The following CTNND2 variants were observed in gnomAD, a reference collection of about 807,000 sequenced individuals.
The protein encoded by CTNND2 is catenin delta-2.
CTNND2 carries 22 observed loss-of-function variants against 144.4 expected under a neutral mutation model. That is an observed-to-expected ratio of 0.15 (90% CI 0.11 to 0.22). The LOEUF is 0.22. Ranked by LOEUF, CTNND2 falls within the 10% of genes least tolerant of loss-of-function variation. The pLI is 1.00. For synonymous variants in CTNND2, 751 were observed against 695.6 expected (o/e 1.08, Z -1.25); for missense variants, 1,353 against 1,618.8 (o/e 0.84, Z 2.82).
chr5:11,178,086 T>G (rs2149795177), intron 11 of CTNND2, among the ~76,000 whole-genome samples: 1 of 152,334 alleles, frequency 6.6e-6, no homozygotes, highest in East Asian at 1.9e-4. Context: ...GGTTTTATAT[T>G]GTTTAGGATA....
At chr5:10,993,712 T>C in intron 18 of CTNND2, among the ~76,000 whole-genome samples, 1 of 151,888 alleles carries the variant, frequency 6.6e-6, no homozygotes, top group South Asian at 2.1e-4. Flanking sequence ...AGCTGGGTAA[T>C]ATCTTTTAAA....
intron 9 of CTNND2, among the ~76,000 whole-genome samples, chr5:11,343,173 A>G (rs970711566): frequency 2.6e-5 from 4 of 152,128 alleles, no homozygotes; most frequent in African/African-American, 9.7e-5. Context: ...GAAAATCCCA[A>G]CCCCTCAGAA....
chr5:11,649,241 TTGTC>T (rs1230917742), intron 2 of CTNND2, among the ~76,000 whole-genome samples: 1 of 152,228 alleles, frequency 6.6e-6, no homozygotes, highest in Non-Finnish European at 1.5e-5. Flanking sequence ...GTAACCCAGG[TTGTC>T]TAAGTCCAAA....
intron 3 of CTNND2, among the ~76,000 whole-genome samples, chr5:11,450,999 A>G (rs1010308905): frequency 6.6e-6 from 1 of 151,794 alleles, no homozygotes; most frequent in Admixed American, 6.6e-5. Context: ...TCATTTATCA[A>G]TTATAGAGTG....
At chr5:11,353,816 A>C (rs1755592032) in intron 8 of CTNND2, among the ~76,000 whole-genome samples, 1 of 152,156 alleles carries the variant, frequency 6.6e-6, no homozygotes, top group African/African-American at 2.4e-5. Context: ...AAAAAAAAAA[A>C]ACATTGTATT....
intron 12 of CTNND2, among the ~76,000 whole-genome samples, chr5:11,135,953 T>C (rs992820810): frequency 6.6e-6 from 1 of 152,250 alleles, no homozygotes; most frequent in African/African-American, 2.4e-5. Flanking sequence ...CATCTGAATA[T>C]CTGTGTCCCT....
chr5:11,490,594 TAAAA>T (rs1283325569), intron 3 of CTNND2, among the ~76,000 whole-genome samples: 1 of 152,042 alleles, frequency 6.6e-6, no homozygotes, highest in Non-Finnish European at 1.5e-5. Context: ...CCTTAAGAAA[TAAAA>T]AGAACATGCA....
chr5:11,470,523 C>T (rs1026409964), intron 3 of CTNND2, among the ~76,000 whole-genome samples: 20 of 152,288 alleles, frequency 1.3e-4, no homozygotes, highest in African/African-American at 2.4e-4. Context: ...TATATTAATA[C>T]GGCTCATTTG....
intron 5 of CTNND2, among the ~76,000 whole-genome samples, chr5:11,398,927 A>G (rs1322625410): frequency 2.6e-5 from 4 of 152,222 alleles, no homozygotes; most frequent in Non-Finnish European, 2.9e-5. Context: ...TCTGAGGTCC[A>G]AGTGACAGGC....
intron 3 of CTNND2, among the ~76,000 whole-genome samples, chr5:11,497,086 A>G (rs1025297379): frequency 6.6e-6 from 1 of 152,148 alleles, no homozygotes; most frequent in African/African-American, 2.4e-5. Flanking sequence ...AGGAAGAATG[A>G]AGGTCTGACC....
At chr5:11,187,384 G>A (rs1388724256) in intron 11 of CTNND2, among the ~76,000 whole-genome samples, 2 of 152,150 alleles carry the variant, frequency 1.3e-5, no homozygotes. Context: ...ATGGTGCTGG[G>A]AGAACTGGCT....
rs553644093 is a variant in CTNND2 at position 11,555,273 on chromosome 5, A to G, written c.287+9671T>C. On this transcript the variant is annotated intron_variant, in intron 3 of 21. Transcript: ENST00000304623. ...CAGACACCTAGTTCTAGCAGTTGAC[A>G]AGGCTCAGCAAAGCCTTAGTATGGG... is the stretch of plus-strand genomic sequence containing the variant. 4.6e-5 allele frequency among the ~76,000 whole-genome samples: 7 copies of G among 152,322 alleles called. No homozygotes were observed. In the South Asian group the frequency reaches 1.4e-3, roughly 32 times the overall value.
At chr5:11,450,482 T>A (rs1426170585) in intron 3 of CTNND2, among the ~76,000 whole-genome samples, 1 of 152,212 alleles carries the variant, frequency 6.6e-6, no homozygotes, top group Non-Finnish European at 1.5e-5. Context: ...ACAGGGGAAG[T>A]GAGGCCAGCA....
At chr5:11,462,164 G>T (rs1488107373) in intron 3 of CTNND2, among the ~76,000 whole-genome samples, 1 of 152,068 alleles carries the variant, frequency 6.6e-6, no homozygotes, top group Admixed American at 6.5e-5. Context: ...ACTTCTGTGG[G>T]TTTTGCCCCA....
At chr5:11,291,418 C>A (rs1748340189) in intron 9 of CTNND2, among the ~76,000 whole-genome samples, 1 of 152,066 alleles carries the variant, frequency 6.6e-6, no homozygotes, top group South Asian at 2.1e-4. Flanking sequence ...TGATCCTGTT[C>A]CTTCAGTTCA....
At chr5:11,515,631 T>C (rs1259927636) in intron 3 of CTNND2, among the ~76,000 whole-genome samples, 1 of 152,218 alleles carries the variant, frequency 6.6e-6, no homozygotes, top group African/African-American at 2.4e-5. Context: ...TACATGATTT[T>C]TGCAACACTA....
intron 9 of CTNND2, among the ~76,000 whole-genome samples, chr5:11,262,236 C>T (rs1274481762): frequency 1.3e-5 from 2 of 152,090 alleles, no homozygotes; most frequent in African/African-American, 4.8e-5. Context: ...ACTGACCCAC[C>T]AAAAGGGCCC....
intron 1 of CTNND2, among the ~76,000 whole-genome samples, chr5:11,758,419 T>A (rs1789070680): frequency 6.6e-6 from 1 of 152,012 alleles, no homozygotes; most frequent in Non-Finnish European, 1.5e-5. Flanking sequence ...TAGTCACTAT[T>A]CTGTATAATT....
At chr5:11,229,075 G>C (rs933954638) in intron 10 of CTNND2, among the ~76,000 whole-genome samples, 20 of 152,186 alleles carry the variant, frequency 1.3e-4, no homozygotes, top group Middle Eastern at 3.4e-3. Context: ...GCTACTTTTT[G>C]ATATAACAAA....
Sources: gnomAD v4.1 joint callset for allele counts (sites outside exome capture counted in the v4.1 genomes callset) on GRCh38, gnomAD v4.1.1 for gene constraint, MANE v1.5 for transcripts, NCBI Gene and HGNC (gene_info 2026-07-23, HGNC 2026-07-21) for gene names.